The following LRRK1 variants were observed in gnomAD, a reference collection of about 807,000 sequenced individuals.
LRRK1 encodes the protein leucine-rich repeat serine/threonine-protein kinase 1.
LRRK1 carries 113 observed loss-of-function variants against 209.1 expected under a neutral mutation model. The ratio of observed to expected loss-of-function variants is 0.54; its 90% CI spans 0.46 to 0.63. The LOEUF (loss-of-function observed/expected upper bound fraction) is 0.63. LRRK1 is among the 30% of genes least tolerant of loss of function. The pLI is 0.00. For synonymous variants in LRRK1, 1,144 were observed against 1,099.7 expected (o/e 1.04, Z -0.80); for missense variants, 2,284 against 2,632.2 (o/e 0.87, Z 2.89).
Position 101,027,428 on chromosome 15 carries a change from T to C in LRRK1, c.2526+47T>C. 1.3e-6 allele frequency: 2 copies of C among 1,593,846 alleles called. No individual in the cohort carries two copies. Among genetic ancestry groups the C allele is most frequent in the Non-Finnish European group, 1.7e-6 (2 of 1,169,962 alleles). ...TTTAAACCAGTCTGCCTGCTTCCCA[T>C]TGTTGGGGGTCCTCACTTCCCCCTC... On this transcript the variant is annotated intron_variant, in intron 18 of 33. Coordinates refer to ENST00000388948, the MANE Select transcript of LRRK1 (RefSeq NM_024652.6). The surrounding 1 kb of genome is among the most constrained non-coding windows in gnomAD (Gnocchi z 5.1).
At position 101,070,701 on chromosome 15, in the gene LRRK1, G is replaced by A. The variant is rs925609263; in HGVS notation, c.*1853G>A. 1 of 152,008 alleles carries A rather than the reference G, an allele frequency of 6.6e-6. No individual in the cohort carries two copies. Among genetic ancestry groups the A allele is most frequent in the Admixed American group, 6.5e-5 (1 of 15,270 alleles). The allele number at this position is 152,008 out of a possible 1,614,324, so 9.4% of individuals were successfully genotyped here. ...CCCAGCTACCCAGGAGCCAAGGCAG[G>A]AGGAACCCTTGAGCCTGGGAGTTGG... On this transcript the variant is annotated 3_prime_UTR_variant, in exon 34 of 34. Transcript: ENST00000388948.
At position 101,048,598 on chromosome 15, in the gene LRRK1, A is replaced by AAATC; in HGVS notation, c.3242_3245dup (p.Thr1083SerfsTer14). On this transcript the variant is annotated frameshift_variant, in exon 22 of 34. Transcript: ENST00000388948. LOFTEE classifies it high-confidence loss of function. ...GCTGTAGCACATTCAGAGTGAAAAG[A>AAATC]AATCAGACCATCTATTGGCAGGAAG... The AAATC allele has an allele frequency of 6.4e-7, 1 of 1,569,366 alleles. No individual in the cohort carries two copies. The highest frequency in any genetic ancestry group is 8.6e-7 in the Non-Finnish European group (1 of 1,163,880).
At chr15:100,932,068 C>T (rs914125236) in intron 2 of LRRK1, among the ~76,000 whole-genome samples, 1 of 152,190 alleles carries the variant, frequency 6.6e-6, no homozygotes, top group Non-Finnish European at 1.5e-5. Context: ...TCACTGCAAC[C>T]TCCACCTCCA....
Position 100,956,315 on chromosome 15 carries a change from A to G in LRRK1, c.98-17489A>G, listed in dbSNP as rs1471433770. Among the ~76,000 whole-genome samples, 8 of 151,530 alleles carry G rather than the reference A, an allele frequency of 5.3e-5. No homozygotes were observed. The East Asian group carries it at 7.7e-4, about 15-fold the overall frequency. ...TAGTCTCATAATACTTTGTACTTCTATTATACCAATTGTAATGCCCCCTAT... is the reference window on the plus strand; with the variant it reads ...TAGTCTCATAATACTTTGTACTTCTGTTATACCAATTGTAATGCCCCCTAT... On this transcript the variant is annotated intron_variant, in intron 2 of 33. Transcript: ENST00000388948.
chr15:100,940,423 A>G (rs1189946825), intron 2 of LRRK1, among the ~76,000 whole-genome samples: 8 of 152,334 alleles, frequency 5.3e-5, no homozygotes, highest in Non-Finnish European at 1.2e-4. Flanking sequence ...TTCAAAAAAT[A>G]TCTTCAATGT....
intron 2 of LRRK1, among the ~76,000 whole-genome samples, chr15:100,953,324 C>T (rs999591546): frequency 6.6e-6 from 1 of 152,144 alleles, no homozygotes; most frequent in Non-Finnish European, 1.5e-5. Flanking sequence ...CATTCACTCT[C>T]GGCTTCTTTA....
intron 21 of LRRK1, among the ~76,000 whole-genome samples, chr15:101,047,806 C>T (rs748270924): frequency 6.6e-6 from 1 of 152,180 alleles, no homozygotes; most frequent in Non-Finnish European, 1.5e-5. Context: ...GACCCTTCGA[C>T]CAATAATCCG....
In LRRK1 at chr15:101,015,966, G is replaced by A. The variant is rs143689915; in HGVS notation, c.1609+564G>A. ...GTCCTGAGATAGTGAAGAGAGAGAGGACTCTGGTCTTTCTTCCTCTTCTTT... is the reference window on the plus strand; with the variant it reads ...GTCCTGAGATAGTGAAGAGAGAGAGAACTCTGGTCTTTCTTCCTCTTCTTT... On this transcript the variant is annotated intron_variant, in intron 12 of 33. Coordinates refer to ENST00000388948, the MANE Select transcript of LRRK1 (RefSeq NM_024652.6). 5.2e-3 allele frequency among the ~76,000 whole-genome samples: 793 copies of A among 151,814 alleles called. 6 individuals carry two copies. The highest frequency in any genetic ancestry group is 9.3e-3 in the Non-Finnish European group (633 of 67,926).
intron 2 of LRRK1, among the ~76,000 whole-genome samples, chr15:100,961,578 G>A (rs1212858874): frequency 1.3e-5 from 2 of 151,834 alleles, no homozygotes; most frequent in African/African-American, 4.8e-5. Flanking sequence ...ACTTGAATCT[G>A]GGAGGCAGAG....
intron 13 of LRRK1, 62 bp from the exon 14 acceptor site, chr15:101,021,775 CGTGTGTGT>C (rs3031683): frequency 0.092 from 78,304 of 850,924 alleles, 1,464 homozygotes; most frequent in East Asian, 0.19. Flanking sequence ...CACGTGTGTG[CGTGTGTGT>C]GTGTGTGTGT....
chr15:101,020,983 C>T, intron 12 of LRRK1, 70 bp from the exon 13 acceptor site: 1 of 1,584,494 alleles, frequency 6.3e-7, no homozygotes, highest in Non-Finnish European at 8.6e-7. Context: ...TTTATACGCC[C>T]ACCTGGTCAC....
In LRRK1 at chr15:100,968,773, T is replaced by C. The variant is rs114944009; in HGVS notation, c.98-5031T>C. Reference sequence around the variant, plus strand: ...CTTTCTTTCCTTCCTTCCCTTCCCCTTTCCTTCCCCTTTCCTTCCCCTTCC... The same window carrying C: ...CTTTCTTTCCTTCCTTCCCTTCCCCCTTCCTTCCCCTTTCCTTCCCCTTCC... On this transcript the variant is annotated intron_variant, in intron 2 of 33. Coordinates refer to ENST00000388948, the MANE Select transcript of LRRK1 (RefSeq NM_024652.6). Among the ~76,000 whole-genome samples the C allele has an allele frequency of 2.8e-3, 401 of 143,178 alleles. 1 individual carries two copies. The highest frequency in any genetic ancestry group is 0.01 in the African/African-American group (386 of 37,346). The allele number at this position is 143,178 out of a possible 152,430, so 93.9% of individuals were successfully genotyped here.
Position 101,065,573 on chromosome 15 carries a change from C to G in LRRK1, c.5136C>G (p.Gly1712=). The change falls in exon 32 of 34, where the codon GGC becomes GGG. Residue 1712 remains glycine (G), a synonymous_variant. Transcript: ENST00000388948. ...GSEVWYSNGP[G]LLVIDCASLE... ...AGGTCTGGTACAGCAATGGGCCGGG[C>G]CTCCTTGTCATCGACTGTGCCTCCC... The G allele has an allele frequency of 6.2e-7, 1 of 1,614,230 alleles. No homozygotes were observed. Among genetic ancestry groups the G allele is most frequent in the Non-Finnish European group, 8.5e-7 (1 of 1,180,030 alleles).
chr15:100,979,424 G>A (rs989241740), intron 3 of LRRK1, among the ~76,000 whole-genome samples: 1 of 152,032 alleles, frequency 6.6e-6, no homozygotes, highest in Non-Finnish European at 1.5e-5. Flanking sequence ...TTAATATATT[G>A]CTGGCAATTC....
Position 101,051,963 on chromosome 15 carries a change from A to G in LRRK1, c.3689+3A>G. 1 of 1,612,286 alleles carries G rather than the reference A, an allele frequency of 6.2e-7. No homozygotes were observed. Among genetic ancestry groups the G allele is most frequent in the Non-Finnish European group, 8.5e-7 (1 of 1,179,084 alleles). The stretch of plus-strand genomic sequence containing the variant: ...TTCATGACCGACTTCCCGGCCAGGT[A>G]TGCCCCGAAGGCCCCTCCCAGAACA... On this transcript the variant is annotated splice_donor_region_variant and intron_variant, in intron 24 of 33. Coordinates refer to ENST00000388948, the MANE Select transcript of LRRK1 (RefSeq NM_024652.6).
intron 2 of LRRK1, among the ~76,000 whole-genome samples, chr15:100,926,658 TTTC>T (rs1475727043): frequency 2.0e-5 from 3 of 150,138 alleles, no homozygotes; most frequent in African/African-American, 7.4e-5. Flanking sequence ...CTTTCTTTCT[TTTC>T]TTTTTCTTTT....
intron 1 of LRRK1, among the ~76,000 whole-genome samples, chr15:100,920,726 A>G (rs190330138): frequency 1.3e-3 from 175 of 137,538 alleles, no homozygotes; most frequent in Middle Eastern, 4.5e-3. Flanking sequence ...CCCTTCCTCC[A>G]TTCTCTATAT....
intron 21 of LRRK1, 92 bp from the exon 22 acceptor site, chr15:101,048,402 A>G: frequency 1.7e-6 from 2 of 1,163,856 alleles, no homozygotes; most frequent in Non-Finnish European, 2.4e-6. Context: ...GACATTTATC[A>G]AGATGGGGCC....
At chr15:101,014,225 C>T (rs943026958) in intron 10 of LRRK1, 91 bp from the exon 11 acceptor site, 13 of 875,294 alleles carry the variant, frequency 1.5e-5, no homozygotes, top group African/African-American at 1.2e-4. Flanking sequence ...TTTGACTGCG[C>T]GTGGTTGGGA....
Sources: gnomAD v4.1 joint callset for allele counts (sites outside exome capture counted in the v4.1 genomes callset) on GRCh38, gnomAD v4.1.1 for gene constraint, Gnocchi (gnomAD v3.1) non-coding constraint, MANE v1.5 for transcripts, NCBI Gene and HGNC (gene_info 2026-07-23, HGNC 2026-07-21) for gene names.